Variants in ANK2 observed in about 807,000 individuals in gnomAD.
ANK2 encodes the protein ankyrin-2.
Under a neutral mutation model 360.5 loss-of-function variants are expected in ANK2, and 83 were observed. The observed-to-expected ratio is 0.23, with a 90% CI of 0.19 to 0.28. The LOEUF is 0.28. ANK2 is among the 10% of genes least tolerant of loss of function. The pLI, the probability that ANK2 is intolerant of heterozygous loss-of-function variation, is 1.00. For synonymous variants in ANK2, 1,740 were observed against 1,759.5 expected (o/e 0.99, Z 0.28); for missense variants, 4,201 against 4,795.7 (o/e 0.88, Z 3.66).
At position 112,826,842 on chromosome 4, in the gene ANK2, A is replaced by G. The variant is rs1182533230; in HGVS notation, c.-40+8578A>G. The stretch of plus-strand genomic sequence containing the variant: ...AAATAAAGTAAAAGAGAATGGAACA[A>G]TATGCTTCAGGGATGAAGATGACAT... On this transcript the variant is annotated intron_variant, in intron 1 of 30. Coordinates refer to the ANK2 transcript ENST00000503271. 8.2e-6 allele frequency: 11 copies of G among 1,341,424 alleles called. 1 individual carries two copies. The highest frequency in any genetic ancestry group is 7.2e-5 in the South Asian group (6 of 83,288). 83.1% of individuals were successfully genotyped at this position (1,341,424 alleles called of 1,614,324 possible). A position where few individuals can be genotyped will look rare whatever the true frequency, so the allele number is the denominator to read the frequency against.
chr4:112,830,279 TA>T (rs1235706302), intron 1 of ANK2, among the ~76,000 whole-genome samples: 6 of 152,110 alleles, frequency 3.9e-5, no homozygotes, highest in Admixed American at 2.0e-4. Context: ...ACTGGGTAAA[TA>T]AAATGTGGTA....
At chr4:112,891,170 C>T (rs765457254) in intron 1 of ANK2, among the ~76,000 whole-genome samples, 82 of 152,230 alleles carry the variant, frequency 5.4e-4, no homozygotes, top group Middle Eastern at 3.4e-3. Context: ...TGACTTGCCT[C>T]GTGCCACGTA....
intron 1 of ANK2, among the ~76,000 whole-genome samples, chr4:112,853,194 A>T (rs2065455802): frequency 6.6e-6 from 1 of 151,736 alleles, no homozygotes; most frequent in Non-Finnish European, 1.5e-5. Context: ...TCCGCCTCCC[A>T]AGTAGCTGGG....
At chr4:112,722,038 T>C in the ANK2 span, among the ~76,000 whole-genome samples, 3 of 152,210 alleles carry the variant, frequency 2.0e-5, no homozygotes, top group Non-Finnish European at 2.9e-5. Context: ...TTTTATTTTG[T>C]TAACTGTATT....
intron 14 of ANK2, among the ~76,000 whole-genome samples, chr4:113,273,491 A>G (rs1183617374): frequency 2.0e-5 from 3 of 152,164 alleles, no homozygotes; most frequent in Non-Finnish European, 2.9e-5. Context: ...TAACTTTAAG[A>G]TACTGCATGT....
At chr4:112,797,820 T>C in the ANK2 span, 1 of 153,518 alleles carries the variant, frequency 6.5e-6, no homozygotes, top group African/African-American at 2.4e-5. Flanking sequence ...CTACTTTATA[T>C]TAATACAATG....
At chr4:112,987,250 C>A (rs762804882) in intron 2 of ANK2, among the ~76,000 whole-genome samples, 1 of 152,148 alleles carries the variant, frequency 6.6e-6, no homozygotes, top group Non-Finnish European at 1.5e-5. Flanking sequence ...TTCCTCTACC[C>A]CAGAGCTTCC....
chr4:112,959,408 T>C (rs1013106872), intron 2 of ANK2, among the ~76,000 whole-genome samples: 1 of 152,206 alleles, frequency 6.6e-6, no homozygotes, highest in Non-Finnish European at 1.5e-5. Context: ...GCTTTCTTCC[T>C]CTCTCCCGCA....
intron 2 of ANK2, among the ~76,000 whole-genome samples, chr4:112,918,401 T>C (rs1273250189): frequency 1.3e-5 from 2 of 151,854 alleles, no homozygotes; most frequent in East Asian, 3.9e-4. Context: ...TTTCATTTAG[T>C]GAAAAAAAAA....
chr4:113,071,140 A>G (rs1303002667), intron 1 of ANK2, among the ~76,000 whole-genome samples: 2 of 152,216 alleles, frequency 1.3e-5, no homozygotes, highest in Non-Finnish European at 2.9e-5. Context: ...TGCTTCTAAT[A>G]TAGACTGCAC....
rs371918063 is a variant in ANK2 at position 113,199,142 on chromosome 4, C to T, written c.384+33C>T. 19 of 1,503,370 alleles carry T rather than the reference C, an allele frequency of 1.3e-5. No homozygotes were observed. The African/African-American group carries it at 1.7e-4, about 13-fold the overall frequency. 93.1% of individuals were successfully genotyped at this position (1,503,370 alleles called of 1,614,324 possible). A position where few individuals can be genotyped will look rare whatever the true frequency, so the allele number is the denominator to read the frequency against. ...ATTCAGATTTTCCCTGATGTACATA[C>T]ATTTAAATTAGAACAGTTTTGTGAA... On this transcript the variant is annotated intron_variant, in intron 4 of 45. Coordinates refer to ENST00000357077, the MANE Select transcript of ANK2 (RefSeq NM_001148.6).
intron 1 of ANK2, among the ~76,000 whole-genome samples, chr4:112,878,155 C>CTATCTATCT: frequency 6.8e-6 from 1 of 147,532 alleles, no homozygotes; most frequent in Non-Finnish European, 1.5e-5. Context: ...ACTTTAGACT[C>CTATCTATCT]ATCTATCTAT....
intron 1 of ANK2, among the ~76,000 whole-genome samples, chr4:112,823,747 C>A (rs539700779): frequency 6.6e-6 from 1 of 152,326 alleles, no homozygotes; most frequent in African/African-American, 2.4e-5. Context: ...GTGTTCACAG[C>A]CAGAGCCAAA....
chr4:113,100,159 A>C (rs2154359201), intron 1 of ANK2, among the ~76,000 whole-genome samples: 1 of 152,218 alleles, frequency 6.6e-6, no homozygotes, highest in African/African-American at 2.4e-5. Context: ...TGTTTTATGA[A>C]AGACACAGTT....
intron 1 of ANK2, among the ~76,000 whole-genome samples, chr4:112,849,415 G>T (rs2064098598): frequency 6.6e-6 from 1 of 151,974 alleles, no homozygotes; most frequent in Admixed American, 6.6e-5. Flanking sequence ...ATTAATAGTT[G>T]CCTAAGCCCA....
chr4:113,233,104 C>A (rs1197984380), intron 5 of ANK2, among the ~76,000 whole-genome samples: 2 of 29,304 alleles, frequency 6.8e-5, no homozygotes, highest in East Asian at 1.1e-3. Flanking sequence ...CTTGGCTTTT[C>A]TGTTTTTTTT....
At chr4:112,728,973 G>A in the ANK2 span, among the ~76,000 whole-genome samples, 2 of 152,120 alleles carry the variant, frequency 1.3e-5, no homozygotes, top group Non-Finnish European at 2.9e-5. Flanking sequence ...TCCAGAGGCT[G>A]AGATGGTAGG....
chr4:112,768,493 A>G, the ANK2 span, among the ~76,000 whole-genome samples: 1 of 151,778 alleles, frequency 6.6e-6, no homozygotes, highest in Non-Finnish European at 1.5e-5. Flanking sequence ...GGCTCAAGCA[A>G]TCCGCCCACC....
chr4:113,198,892 GATAA>G (rs1275802921), intron 3 of ANK2, 115 bp from the exon 4 acceptor site: 2 of 870,146 alleles, frequency 2.3e-6, no homozygotes, highest in East Asian at 2.6e-5. Flanking sequence ...CTACTATCTT[GATAA>G]ATAACAAATT....
Sources: allele counts gnomAD v4.1 joint callset (sites outside exome capture counted in the v4.1 genomes callset), GRCh38; gene constraint gnomAD v4.1.1; transcripts MANE v1.5; gene names NCBI Gene and HGNC (gene_info 2026-07-23, HGNC 2026-07-21).